Variants in RALGAPA1 observed in about 807,000 individuals in gnomAD.
RALGAPA1 encodes ral GTPase-activating protein subunit alpha-1.
A neutral mutation model predicts 269.6 loss-of-function variants in RALGAPA1; 52 were observed. The observed-to-expected ratio is 0.19, with a 90% CI of 0.15 to 0.24. RALGAPA1 has a LOEUF of 0.24. Ranked by LOEUF, RALGAPA1 falls within the 10% of genes least tolerant of loss-of-function variation. The pLI is 1.00. For synonymous variants in RALGAPA1, 817 were observed against 1,008.3 expected, an observed-to-expected ratio of 0.81 and a Z score of 3.60; for missense variants, 1,917 against 3,013.9, an observed-to-expected ratio of 0.64 and a Z score of 8.52.
intron 7 of RALGAPA1, chr14:35,756,496 G>C (rs2141310013): frequency 6.1e-6 from 1 of 164,106 alleles, no homozygotes; most frequent in East Asian, 1.7e-4. Context: ...TTTTAACTAA[G>C]GGATACCCTT....
intron 24 of RALGAPA1, 39 bp downstream of exon 24, chr14:35,674,141 T>A: frequency 7.0e-7 from 1 of 1,437,454 alleles, no homozygotes; most frequent in South Asian, 1.2e-5. Flanking sequence ...ATTTAGTAAA[T>A]GAGAAGTTTT....
chr14:35,672,017 CATT>C (rs1332898528), intron 25 of RALGAPA1, among the ~76,000 whole-genome samples: 1 of 152,144 alleles, frequency 6.6e-6, no homozygotes, highest in Non-Finnish European at 1.5e-5. Flanking sequence ...TTCCTAACTT[CATT>C]ATTCATTTAC....
intron 1 of RALGAPA1, among the ~76,000 whole-genome samples, chr14:35,781,557 C>T (rs543546912): frequency 3.4e-5 from 5 of 148,474 alleles, no homozygotes; most frequent in African/African-American, 7.6e-5. Context: ...AAATCCTCAA[C>T]AAAATACTAG....
chr14:35,778,215 A>G (rs1005721102), intron 1 of RALGAPA1, among the ~76,000 whole-genome samples: 1 of 151,748 alleles, frequency 6.6e-6, no homozygotes, highest in South Asian at 2.1e-4. Context: ...TCTCCCCACC[A>G]CACCTAGCTA....
chr14:35,680,075 CA>C (rs1162808982), intron 21 of RALGAPA1, among the ~76,000 whole-genome samples: 17 of 152,230 alleles, frequency 1.1e-4, no homozygotes, highest in Non-Finnish European at 5.9e-5. Flanking sequence ...TAATGTTTAC[CA>C]AAAACTTTTA....
rs374677080 is a variant in RALGAPA1, at chr14:35,758,508, G to C, written c.548-1600C>G. ...AAAGCAAAACTTCTATTCTTAAAAA[G>C]AGAAGGGGCAGAAGTCAGTCACAAA... On this transcript the variant is annotated intron_variant, in intron 6 of 41. Transcript: ENST00000680220. Among the ~76,000 whole-genome samples the C allele has an allele frequency of 7.2e-5, 11 of 152,094 alleles. No homozygotes were observed. The South Asian group carries it at 1.5e-3, about 20-fold the overall frequency.
At position 35,627,281 on chromosome 14, in the gene RALGAPA1, T is replaced by C; in HGVS notation, c.6666A>G (p.Lys2222=). 2 of 1,608,758 alleles carry C rather than the reference T, an allele frequency of 1.2e-6. No individual in the cohort carries two copies. Among genetic ancestry groups the C allele is most frequent in the Non-Finnish European group, 1.7e-6 (2 of 1,178,798 alleles). Residue 2222 remains lysine, a synonymous_variant, in exon 34 of 42, where the codon AAA becomes AAG. Transcript: ENST00000680220. ...TAGCATTAATAACATCATTTTCTTG[T>C]TTTTCAGAAATGCACACAGGTTGTG... ...PAPQPVCISE[K]QENDVINAIL...
intron 36 of RALGAPA1, among the ~76,000 whole-genome samples, chr14:35,598,640 G>A (rs1365904674): frequency 3.9e-5 from 6 of 151,904 alleles, no homozygotes; most frequent in African/African-American, 1.2e-4. Flanking sequence ...GGCTGGTCTC[G>A]AACTCCTGGC....
intron 39 of RALGAPA1, among the ~76,000 whole-genome samples, chr14:35,565,311 C>T (rs976292074): frequency 2.0e-5 from 3 of 149,860 alleles, no homozygotes; most frequent in Non-Finnish European, 4.4e-5. Flanking sequence ...CTAGATGCTA[C>T]TGTTATATTT....
At chr14:35,591,826 C>A (rs2058657045) in intron 37 of RALGAPA1, among the ~76,000 whole-genome samples, 1 of 152,144 alleles carries the variant, frequency 6.6e-6, no homozygotes, top group African/African-American at 2.4e-5. Flanking sequence ...AGGGAGGAAC[C>A]TGGTGGGAGG....
At chr14:35,604,804 C>G (rs1375150138) in intron 36 of RALGAPA1, among the ~76,000 whole-genome samples, 1 of 152,064 alleles carries the variant, frequency 6.6e-6, no homozygotes, top group Admixed American at 6.6e-5. Context: ...TGTAAAATGT[C>G]TGGTATTAAA....
intron 36 of RALGAPA1, among the ~76,000 whole-genome samples, chr14:35,597,238 T>C (rs891815345): frequency 6.6e-6 from 1 of 152,206 alleles, no homozygotes; most frequent in Non-Finnish European, 1.5e-5. Flanking sequence ...CACTACCAAG[T>C]TGCCCTCCAC....
At chr14:35,802,322 A>C (rs750698115) in intron 1 of RALGAPA1, among the ~76,000 whole-genome samples, 1 of 152,144 alleles carries the variant, frequency 6.6e-6, no homozygotes, top group Admixed American at 6.6e-5. Flanking sequence ...AAATAAATAA[A>C]TAACAGAACT....
At chr14:35,593,809 G>C (rs2058771906) in intron 37 of RALGAPA1, among the ~76,000 whole-genome samples, 1 of 152,022 alleles carries the variant, frequency 6.6e-6, no homozygotes, top group Non-Finnish European at 1.5e-5. Context: ...AACTGTGATT[G>C]CACCACTGCA....
intron 37 of RALGAPA1, among the ~76,000 whole-genome samples, chr14:35,583,528 A>G (rs186981742): frequency 6.6e-6 from 1 of 152,338 alleles, no homozygotes; most frequent in Admixed American, 6.5e-5. Context: ...GAGAAAAAGG[A>G]ACAGAAGCAA....
At chr14:35,797,362 A>C (rs1480558570) in intron 1 of RALGAPA1, among the ~76,000 whole-genome samples, 6 of 151,498 alleles carry the variant, frequency 4.0e-5, no homozygotes, top group Non-Finnish European at 8.8e-5. Flanking sequence ...AAAAAAAAAA[A>C]AAAAAAGATG....
chr14:35,769,119 G>C (rs1438794136), intron 4 of RALGAPA1, among the ~76,000 whole-genome samples: 1 of 129,224 alleles, frequency 7.7e-6, no homozygotes, highest in Non-Finnish European at 1.7e-5. Context: ...ATAGAAAGCA[G>C]AAAAAGTATA....
intron 31 of RALGAPA1, among the ~76,000 whole-genome samples, chr14:35,646,076 T>TAAGA (rs2062418584): frequency 6.6e-6 from 1 of 151,964 alleles, no homozygotes; most frequent in Non-Finnish European, 1.5e-5. Flanking sequence ...ATAAGATGAA[T>TAAGA]AAGAAAGAAA....
chr14:35,790,699 A>G (rs1467224800), intron 1 of RALGAPA1, among the ~76,000 whole-genome samples: 4 of 151,782 alleles, frequency 2.6e-5, no homozygotes, highest in African/African-American at 7.3e-5. Flanking sequence ...AAAAAAAAAA[A>G]AAAAGAAACC....
Sources: gnomAD v4.1 joint callset for allele counts (sites outside exome capture counted in the v4.1 genomes callset) on GRCh38, gnomAD v4.1.1 for gene constraint, MANE v1.5 for transcripts, NCBI Gene and HGNC (gene_info 2026-07-23, HGNC 2026-07-21) for gene names.